Variants in FAM184B observed in about 807,000 individuals in gnomAD.
FAM184B encodes family with sequence similarity 184 member B, also known as protein FAM184B.
A neutral mutation model predicts 135.9 loss-of-function variants in FAM184B; 111 were observed. That is an observed-to-expected ratio of 0.82 (90% CI 0.70 to 0.96). FAM184B has a LOEUF of 0.96. Ranked by LOEUF, FAM184B falls within the 40% of genes least tolerant of loss-of-function variation. The pLI, the probability that FAM184B is intolerant of heterozygous loss-of-function variation, is 0.00. For missense variants in FAM184B, 1,375 were observed against 1,323.9 expected (o/e 1.04, Z -0.60); for synonymous variants, 552 against 524.8 (o/e 1.05, Z -0.71).
intron 1 of FAM184B, among the ~76,000 whole-genome samples, chr4:17,721,914 G>A (rs993006179): frequency 1.2e-4 from 19 of 152,170 alleles, no homozygotes; most frequent in Non-Finnish European, 1.5e-4. Context: ...CACAAGATTC[G>A]GCCTCTTGGG....
chr4:17,778,295 G>C (rs1434839501), intron 1 of FAM184B, among the ~76,000 whole-genome samples: 1 of 152,196 alleles, frequency 6.6e-6, no homozygotes, highest in African/African-American at 2.4e-5. Context: ...ACTATCATCA[G>C]TGTGGTGTGG....
intron 2 of FAM184B, 92 bp downstream of exon 2, chr4:17,708,800 T>G (rs1029786978): frequency 7.4e-7 from 1 of 1,347,730 alleles, no homozygotes; most frequent in African/African-American, 1.5e-5. Context: ...AGAAGGCAAG[T>G]GCTTAGCACA....
Position 17,652,695 on chromosome 4 carries a change from G to A in FAM184B, c.2191+135C>T, listed in dbSNP as rs1715653411. 3 of 1,067,626 alleles carry A rather than the reference G, an allele frequency of 2.8e-6. No individual in the cohort carries two copies. The Admixed American group carries it at 8.3e-5, about 29-fold the overall frequency. 66.1% of individuals were successfully genotyped at this position (1,067,626 alleles called of 1,614,324 possible). A position where few individuals can be genotyped will look rare whatever the true frequency, so the allele number is the denominator to read the frequency against. The stretch of plus-strand genomic sequence containing the variant: ...TCTGAGAGCCCTGGAGCCCTGGCCT[G>A]TGAGCCTGAGATTCCCGGAGCCGTG... On this transcript the variant is annotated intron_variant, in intron 11 of 17. Coordinates refer to ENST00000265018, the MANE Select transcript of FAM184B (RefSeq NM_015688.2).
chr4:17,661,040 G>T (rs1021746278), intron 8 of FAM184B, among the ~76,000 whole-genome samples: 5 of 152,082 alleles, frequency 3.3e-5, no homozygotes, highest in Non-Finnish European at 7.4e-5. Context: ...ATAGGAAGGT[G>T]GCCAAGAGAA....
rs372889501 is a variant in FAM184B at position 17,664,549 on chromosome 4, T to C, written c.1694+13A>G. The C allele has an allele frequency of 1.9e-6, 3 of 1,542,266 alleles. No homozygotes were observed. Among genetic ancestry groups the C allele is most frequent in the Non-Finnish European group, 2.6e-6 (3 of 1,139,562 alleles). On this transcript the variant is annotated intron_variant, in intron 8 of 17. Transcript: ENST00000265018. Reference sequence around the variant, plus strand: ...TCAATGGAGCACTCAGAAGTCTGCATGTCCTCCTGTACCTTTCTTCTTCAT... The same window carrying C: ...TCAATGGAGCACTCAGAAGTCTGCACGTCCTCCTGTACCTTTCTTCTTCAT...
At chr4:17,671,636 C>T (rs942339971) in intron 7 of FAM184B, among the ~76,000 whole-genome samples, 1 of 151,812 alleles carries the variant, frequency 6.6e-6, no homozygotes, top group African/African-American at 2.4e-5. Context: ...AAAGATGTTC[C>T]AAACAAAAGA....
Position 17,636,537 on chromosome 4 carries a change from C to T in FAM184B, c.2775G>A (p.Lys925=), listed in dbSNP as rs1484312130. 6.4e-7 allele frequency: 1 copy of T among 1,550,656 alleles called. No homozygotes were observed. Among genetic ancestry groups the T allele is most frequent in the Non-Finnish European group, 8.7e-7 (1 of 1,146,866 alleles). Residue 925 remains lysine (K), a synonymous_variant, in exon 15 of 18, where the codon AAG becomes AAA. Coordinates refer to ENST00000265018, the MANE Select transcript of FAM184B (RefSeq NM_015688.2). ...CCCCTGACAGCCTCACCGTGAGCTGCTTGATGATGTCCTCTCTCTCCTTCA... is the reference window on the plus strand; with the variant it reads ...CCCCTGACAGCCTCACCGTGAGCTGTTTGATGATGTCCTCTCTCTCCTTCA... The part of the protein sequence containing the change: ...TRLKEREDII[K]QLTEERRFHY...
intron 1 of FAM184B, among the ~76,000 whole-genome samples, chr4:17,722,537 G>A (rs1717553402): frequency 6.6e-6 from 1 of 152,230 alleles, no homozygotes; most frequent in Non-Finnish European, 1.5e-5. Flanking sequence ...GCATTGAACT[G>A]TGAGACATCA....
intron 14 of FAM184B, 76 bp from the exon 15 acceptor site, chr4:17,636,721 TG>T: frequency 8.2e-7 from 1 of 1,215,826 alleles, no homozygotes. Context: ...GTGCACACGA[TG>T]GGAATGCCAT....
chr4:17,655,204 C>T (rs1715754309), intron 10 of FAM184B, among the ~76,000 whole-genome samples: 1 of 152,202 alleles, frequency 6.6e-6, no homozygotes, highest in Non-Finnish European at 1.5e-5. Flanking sequence ...TGATACCTTC[C>T]TCCTCTTTCC....
chr4:17,740,066 T>C (rs1384033765), intron 1 of FAM184B, among the ~76,000 whole-genome samples: 1 of 152,092 alleles, frequency 6.6e-6, no homozygotes, highest in Non-Finnish European at 1.5e-5. Flanking sequence ...AAAAAATGTC[T>C]GGCAGCTGGG....
chr4:17,646,728 A>G (rs1213284664), intron 12 of FAM184B, among the ~76,000 whole-genome samples: 2 of 152,184 alleles, frequency 1.3e-5, no homozygotes, highest in African/African-American at 4.8e-5. Flanking sequence ...TTAAAATATA[A>G]TAATAATAAA....
intron 8 of FAM184B, among the ~76,000 whole-genome samples, chr4:17,664,059 T>C (rs970278383): frequency 5.9e-5 from 9 of 152,164 alleles, no homozygotes; most frequent in African/African-American, 1.9e-4. Flanking sequence ...GGATTCTTTA[T>C]AGCGGTGTGG....
intron 5 of FAM184B, among the ~76,000 whole-genome samples, chr4:17,702,997 G>T (rs1717025344): frequency 6.6e-6 from 1 of 152,212 alleles, no homozygotes; most frequent in Non-Finnish European, 1.5e-5. Context: ...CAGGATATCA[G>T]ATTTGAATTG....
intron 1 of FAM184B, among the ~76,000 whole-genome samples, chr4:17,734,233 A>G (rs1366994725): frequency 2.0e-5 from 3 of 152,218 alleles, no homozygotes. Context: ...AAACCCTAGA[A>G]GAAAACCTAG....
chr4:17,682,126 T>G (rs1716456229), intron 7 of FAM184B, among the ~76,000 whole-genome samples: 1 of 152,176 alleles, frequency 6.6e-6, no homozygotes, highest in Non-Finnish European at 1.5e-5. Context: ...TGACTCCCTT[T>G]TCCTTCTGGA....
chr4:17,671,868 A>G (rs777019535), intron 7 of FAM184B, among the ~76,000 whole-genome samples: 3 of 151,824 alleles, frequency 2.0e-5, no homozygotes, highest in Non-Finnish European at 2.9e-5. Context: ...CACTAGAGGA[A>G]TTTAATAGAA....
At chr4:17,655,106 A>G (rs553862657) in intron 10 of FAM184B, among the ~76,000 whole-genome samples, 106 of 152,248 alleles carry the variant, frequency 7.0e-4, no homozygotes, top group South Asian at 1.7e-3. Flanking sequence ...TTGGCCTCCC[A>G]AAGTTCTGGG....
intron 1 of FAM184B, among the ~76,000 whole-genome samples, chr4:17,764,393 G>T (rs1718613442): frequency 6.6e-6 from 1 of 152,200 alleles, no homozygotes; most frequent in Non-Finnish European, 1.5e-5. Flanking sequence ...GCTCATCGAA[G>T]CACATGCATA....
Sources: allele counts gnomAD v4.1 joint callset (sites outside exome capture counted in the v4.1 genomes callset), GRCh38; gene constraint gnomAD v4.1.1; transcripts MANE v1.5; gene names NCBI Gene and HGNC (gene_info 2026-07-23, HGNC 2026-07-21).